HMGCS2: variants seen among roughly 807,000 people sequenced by gnomAD.
HMGCS2 encodes the protein hydroxymethylglutaryl-CoA synthase, mitochondrial.
In HMGCS2, 50 loss-of-function variants were observed where a neutral mutation model predicts 57.4. The observed-to-expected ratio is 0.87, with a 90% confidence interval of 0.69 to 1.10. HMGCS2 has a LOEUF of 1.10. HMGCS2 is among the 50% of genes least tolerant of loss of function. HMGCS2 has a pLI of 0.00. For synonymous variants in HMGCS2, 254 were observed against 245.1 expected (o/e 1.04, Z -0.34); for missense variants, 627 against 636.5 (o/e 0.99, Z 0.16).
At position 119,757,275 on chromosome 1, in the gene HMGCS2, G is replaced by T. The variant is rs141213676; in HGVS notation, c.1014C>A (p.Phe338Leu). ...QTSLYKGLEA[F>L]GGLKLEDTYT... Reference sequence around the variant, plus strand: ...GGCTCCCCAAGAAGAGAACTCACCCGAAAGCCTCCAGCCCCTTATATAAGC... The same window carrying T: ...GGCTCCCCAAGAAGAGAACTCACCCTAAAGCCTCCAGCCCCTTATATAAGC... Residue 338 changes from phenylalanine (F) to leucine (L), a missense_variant and splice_region_variant, in exon 5 of 10, where the codon TTC becomes TTA. Physicochemically the swap from Phe to Leu is conservative, Grantham distance 22. Transcript: ENST00000369406. 2 of 1,614,008 alleles carry T rather than the reference G, an allele frequency of 1.2e-6. No homozygotes were observed. The highest frequency in any genetic ancestry group is 1.3e-5 in the African/African-American group (1 of 74,908).
rs775159551 is a variant in HMGCS2 at position 119,755,629 on chromosome 1, G to T, written c.1017-32C>A. 2.5e-6 allele frequency: 4 copies of T among 1,611,542 alleles called. No individual in the cohort carries two copies. In the Admixed American group the frequency reaches 5.0e-5, roughly 20 times the overall value. On this transcript the variant is annotated intron_variant, in intron 5 of 9. Coordinates refer to ENST00000369406, the MANE Select transcript of HMGCS2 (RefSeq NM_005518.4). The stretch of plus-strand genomic sequence containing the variant: ...GGTAGCCAGAGGTAGCCATGTGAGA[G>T]GCCAGGGGACGGGAGGCAGGGAGCA...
chr1:119,763,157 G>A (rs1653101906), intron 2 of HMGCS2, among the ~76,000 whole-genome samples: 1 of 152,172 alleles, frequency 6.6e-6, no homozygotes, highest in Non-Finnish European at 1.5e-5. Flanking sequence ...ATGAACTTTT[G>A]TAATTGCACG....
intron 5 of HMGCS2, 134 bp downstream of exon 5, chr1:119,757,139 G>T: frequency 7.0e-7 from 1 of 1,435,204 alleles, no homozygotes; most frequent in Non-Finnish European, 9.7e-7. Flanking sequence ...AAGGACCTGG[G>T]ATTGTTCCTG....
rs1652978822 is a variant in HMGCS2, at chr1:119,759,888, T to G, written c.661A>C (p.Lys221Gln). The G allele has an allele frequency of 6.2e-7, 1 of 1,614,048 alleles. No individual in the cohort carries two copies. Among genetic ancestry groups the G allele is most frequent in the Admixed American group, 1.7e-5 (1 of 60,008 alleles). ...CCTCGCTCCAGGGCCAGAGGGGCCT[T>G]GGGCCCAATCAGCATAGCCACAGCT... ...AGAVAMLIGP[K>Q]APLALERGLR... The change falls in exon 3 of 10, where the codon AAG becomes CAG. Residue 221 changes from lysine to glutamine, a missense_variant. Physicochemically the swap from Lys to Gln is moderately conservative, Grantham distance 53. Coordinates refer to ENST00000369406, the MANE Select transcript of HMGCS2 (RefSeq NM_005518.4).
chr1:119,750,943 G>C (rs1238830380), intron 8 of HMGCS2, 35 bp from the exon 9 acceptor site: 3 of 1,244,304 alleles, frequency 2.4e-6, no homozygotes, highest in Non-Finnish European at 2.4e-6. Flanking sequence ...TACTCACAAA[G>C]AGTTATATGA....
chr1:119,757,397 T>G lies in HMGCS2; in HGVS notation c.892A>C (p.Met298Leu), dbSNP rs376554104. The part of the protein sequence containing the change: ...RPFTLDDLQY[M>L]IFHTPFCKMV... ...TTGCAAAAGGGTGTATGAAAGATCA[T>G]GTACTGTAAATCGTCAAGGGTGAAG... Residue 298 changes from methionine (M) to leucine (L), a missense_variant, in exon 5 of 10, where the codon ATG becomes CTG. Physicochemically the swap from Met to Leu is conservative, Grantham distance 15 (BLOSUM62 2). Coordinates refer to ENST00000369406, the MANE Select transcript of HMGCS2 (RefSeq NM_005518.4). 28 of 1,614,134 alleles carry G rather than the reference T, an allele frequency of 1.7e-5. No individual in the cohort carries two copies. The highest frequency in any genetic ancestry group is 4.4e-5 in the South Asian group (4 of 91,076).
rs587593961 is a variant in HMGCS2 at position 119,750,848 on chromosome 1, C to T, written c.1481G>A (p.Arg494Gln). 9.9e-6 allele frequency: 16 copies of T among 1,614,054 alleles called. No individual in the cohort carries two copies. Among genetic ancestry groups the T allele is most frequent in the South Asian group, 7.7e-5 (7 of 91,066 alleles). Reference sequence around the variant, plus strand: ...CTTTCGGCGATGCTGCTCGTCCACTCGCTCCAGGTACCAAGTACCTGGGAA... The same window carrying T: ...CTTTCGGCGATGCTGCTCGTCCACTTGCTCCAGGTACCAAGTACCTGGGAA... ...SLFPGTWYLE[R>Q]VDEQHRRKYA... Residue 494 changes from arginine (R) to glutamine (Q), a missense_variant, in exon 9 of 10, where the codon CGA (arginine) becomes CAA (glutamine). Physicochemically the swap from Arg to Gln is conservative, Grantham distance 43 (BLOSUM62 1). Coordinates refer to ENST00000369406, the MANE Select transcript of HMGCS2 (RefSeq NM_005518.4).
chr1:119,760,574 C>G (rs1283603377), intron 2 of HMGCS2, among the ~76,000 whole-genome samples: 2 of 152,196 alleles, frequency 1.3e-5, no homozygotes, highest in Non-Finnish European at 2.9e-5. Context: ...TTGTGTGGCA[C>G]TACTTTCATT....
In HMGCS2 at chr1:119,752,625, G is replaced by A. The variant is rs1303432261; in HGVS notation, c.1344C>T (p.Arg448=). Residue 448 remains arginine, a synonymous_variant, in exon 8 of 10, where the codon CGC becomes CGT. Coordinates refer to ENST00000369406, the MANE Select transcript of HMGCS2 (RefSeq NM_005518.4). ...LVSSTSDLPK[R]LASRKCVSPE... ...GAGACACACACTTTCGGGAGGCTAG[G>A]CGTTTTGGCAGGTCTGATGTGCTGG... is the stretch of plus-strand genomic sequence containing the variant. 3.1e-6 allele frequency: 5 copies of A among 1,614,010 alleles called. No homozygotes were observed. The highest frequency in any genetic ancestry group is 1.3e-5 in the African/African-American group (1 of 74,910).
Position 119,759,858 on chromosome 1 carries a change from A to G in HMGCS2, c.685+6T>C, listed in dbSNP as rs1652977361. The G allele has an allele frequency of 6.2e-7, 1 of 1,613,946 alleles. No individual in the cohort carries two copies. The highest frequency in any genetic ancestry group is 1.7e-5 in the Admixed American group (1 of 59,998). On this transcript the variant is annotated splice_donor_region_variant and intron_variant, in intron 3 of 9. Coordinates refer to ENST00000369406, the MANE Select transcript of HMGCS2 (RefSeq NM_005518.4). Reference sequence around the variant, plus strand: ...CACAGCCTCTTGGTAATGGATTACTACAAACCTCGCTCCAGGGCCAGAGGG... The same window carrying G: ...CACAGCCTCTTGGTAATGGATTACTGCAAACCTCGCTCCAGGGCCAGAGGG...
rs1249021511 is a variant in HMGCS2, at chr1:119,759,210, A to G, written c.758T>C (p.Val253Ala). ...KPNLASEYPI[V>A]DGKLSIQCYL... Reference sequence around the variant, plus strand: ...GCACTGGATGGAAAGCTTCCCATCCACTATTGGGTACTCCGAGGCCAAATT... The same window carrying G: ...GCACTGGATGGAAAGCTTCCCATCCGCTATTGGGTACTCCGAGGCCAAATT... The change falls in exon 4 of 10, where the codon GTG becomes GCG. Residue 253 changes from valine to alanine, a missense_variant. By Grantham distance (64) the Val-to-Ala change is moderately conservative. Coordinates refer to ENST00000369406, the MANE Select transcript of HMGCS2 (RefSeq NM_005518.4). The G allele has an allele frequency of 1.2e-6, 2 of 1,614,000 alleles. No individual in the cohort carries two copies. Among genetic ancestry groups the G allele is most frequent in the East Asian group, 2.2e-5 (1 of 44,892 alleles).
At chr1:119,768,661 G>C (rs1654191139) in intron 1 of HMGCS2, 80 bp downstream of exon 1, 9 of 1,096,380 alleles carry the variant, frequency 8.2e-6, no homozygotes, top group Non-Finnish European at 1.4e-6. Context: ...ATTTTGAGTG[G>C]GATTCTAGTG....
chr1:119,766,347 G>T (rs1653227860), intron 1 of HMGCS2, among the ~76,000 whole-genome samples: 1 of 152,158 alleles, frequency 6.6e-6, no homozygotes, highest in Non-Finnish European at 1.5e-5. Context: ...TGGGTGCCAG[G>T]CTTATAAATT....
chr1:119,752,336 C>A (rs1462517543), intron 8 of HMGCS2, among the ~76,000 whole-genome samples: 2 of 152,202 alleles, frequency 1.3e-5, no homozygotes, highest in Non-Finnish European at 2.9e-5. Flanking sequence ...TACTGGGAAG[C>A]TGCATCCTGC....
intron 2 of HMGCS2, among the ~76,000 whole-genome samples, chr1:119,763,934 T>C (rs968374720): frequency 3.3e-5 from 5 of 152,220 alleles, no homozygotes; most frequent in African/African-American, 1.2e-4. Context: ...ATAAATCTGG[T>C]ATAATACACA....
intron 2 of HMGCS2, among the ~76,000 whole-genome samples, chr1:119,761,143 GTATATATA>G (rs1034805499): frequency 3.4e-5 from 5 of 147,148 alleles, no homozygotes; most frequent in Non-Finnish European, 7.5e-5. Context: ...TATATATTTA[GTATATATA>G]AATATATTAG....
chr1:119,758,244 T>C (rs1550515), intron 4 of HMGCS2, among the ~76,000 whole-genome samples: 42,432 of 152,256 alleles, frequency 0.28, 6,592 homozygotes, highest in East Asian at 0.43. Context: ...TTTATTTATA[T>C]GTTTTTAGAG....
At chr1:119,758,227 A>G (rs1197742365) in intron 4 of HMGCS2, among the ~76,000 whole-genome samples, 1 of 152,194 alleles carries the variant, frequency 6.6e-6, no homozygotes, top group African/African-American at 2.4e-5. Flanking sequence ...ACTGTATTTT[A>G]TTTTTATTTA....
intron 1 of HMGCS2, among the ~76,000 whole-genome samples, chr1:119,766,941 T>G (rs1213228875): frequency 6.6e-6 from 1 of 152,218 alleles, no homozygotes; most frequent in African/African-American, 2.4e-5. Flanking sequence ...TTGTGCTTTC[T>G]CTAAAGAATG....
Sources: gnomAD v4.1 joint callset for allele counts (sites outside exome capture counted in the v4.1 genomes callset) on GRCh38, gnomAD v4.1.1 for gene constraint, MANE v1.5 for transcripts, NCBI Gene and HGNC (gene_info 2026-07-23, HGNC 2026-07-21) for gene names.